ACAN: variants seen among roughly 807,000 people sequenced by gnomAD.
ACAN encodes the protein aggrecan, also known as aggrecan core protein.
In ACAN, 47 loss-of-function variants were observed where a neutral mutation model predicts 169.1. The ratio of observed to expected loss-of-function variants is 0.28; its 90% CI spans 0.22 to 0.35. ACAN has a LOEUF of 0.35. Among genes scored for constraint, ACAN ranks in the 10% least tolerant of loss-of-function variants. ACAN has a pLI of 1.00. For missense variants in ACAN, 2,716 were observed against 2,759.9 expected (o/e 0.98, Z 0.36); for synonymous variants, 1,115 against 1,112.2 (o/e 1.00, Z -0.05).
rs143156437 is a variant in ACAN, at chr15:88,859,036, G to A, written c.6451G>A (p.Gly2151Ser). 75 of 1,613,948 alleles carry A rather than the reference G, an allele frequency of 4.6e-5. 2 individuals are homozygous for A. The Middle Eastern group carries it at 6.6e-4, about 14-fold the overall frequency. The change falls in exon 12 of 19, where the codon GGC becomes AGC. Residue 2151 changes from glycine to serine, a missense_variant. Around this residue, in one of 3 missense-constraint regions of ACAN, gnomAD observed 1,389 missense variants for 1,363.7 expected, o/e 1.02. Coordinates refer to ENST00000560601, the MANE Select transcript of ACAN (RefSeq NM_001369268.1). Reference sequence around the variant, plus strand: ...GAGATCCTCTGGCCTAGGAGTGAGCGGCAGCACTTTGACATTTCAAGAAGG... The same window carrying A: ...GAGATCCTCTGGCCTAGGAGTGAGCAGCAGCACTTTGACATTTCAAGAAGG... ...LERSSGLGVS[G>S]STLTFQEGEA...
intron 13 of ACAN, among the ~76,000 whole-genome samples, chr15:88,863,601 C>G (rs1413538162): frequency 6.6e-6 from 1 of 152,220 alleles, no homozygotes; most frequent in African/African-American, 2.4e-5. Flanking sequence ...CTTCTCTTAT[C>G]TCCTCTGTTA....
rs1445419747 is a variant in ACAN, at chr15:88,857,207, G to C, written c.4622G>C (p.Gly1541Ala). The C allele has an allele frequency of 6.2e-7, 1 of 1,612,632 alleles. No individual in the cohort carries two copies. Among genetic ancestry groups the C allele is most frequent in the South Asian group, 1.1e-5 (1 of 91,000 alleles). The change falls in exon 12 of 19, where the codon GGA (glycine) becomes GCA (alanine). Residue 1541 changes from glycine (G) to alanine (A), a missense_variant. Physicochemically the swap from Gly to Ala is moderately conservative, Grantham distance 60. Transcript: ENST00000560601. ...GEEVLEISAS[G>A]FGDLSGLPSG... Reference sequence around the variant, plus strand: ...GAAGTTCTAGAGATTTCTGCCTCTGGATTTGGGGACCTCAGTGGACTTCCT... The same window carrying C: ...GAAGTTCTAGAGATTTCTGCCTCTGCATTTGGGGACCTCAGTGGACTTCCT...
intron 1 of ACAN, among the ~76,000 whole-genome samples, chr15:88,822,655 A>G (rs908192871): frequency 2.0e-5 from 3 of 152,020 alleles, no homozygotes; most frequent in Non-Finnish European, 2.9e-5. Context: ...GCTAGTCTCG[A>G]ACTCCTGACC....
chr15:88,806,322 A>T (rs1895681496), intron 1 of ACAN, among the ~76,000 whole-genome samples: 1 of 151,306 alleles, frequency 6.6e-6, no homozygotes, highest in Admixed American at 6.6e-5. Flanking sequence ...TCTCTTGATA[A>T]GAGACTGTGT....
chr15:88,815,284 C>T (rs547388052), intron 1 of ACAN, among the ~76,000 whole-genome samples: 9 of 152,124 alleles, frequency 5.9e-5, no homozygotes, highest in East Asian at 3.9e-4. Flanking sequence ...GAAGACCAGG[C>T]GCAGTGGCTC....
intron 1 of ACAN, among the ~76,000 whole-genome samples, chr15:88,828,265 A>G (rs536419383): frequency 6.6e-6 from 1 of 152,226 alleles, no homozygotes; most frequent in Non-Finnish European, 1.5e-5. Flanking sequence ...GGACAGGGCC[A>G]GACCCTAGCC....
At position 88,874,452 on chromosome 15, in the gene ACAN, C is replaced by A; in HGVS notation, c.7678C>A (p.Arg2560=). 1 of 1,606,520 alleles carries A rather than the reference C, an allele frequency of 6.2e-7. No individual in the cohort carries two copies. Among genetic ancestry groups the A allele is most frequent in the Non-Finnish European group, 8.5e-7 (1 of 1,176,970 alleles). Residue 2560 remains arginine, a synonymous_variant, in exon 19 of 19, where the codon CGG becomes AGG. Transcript: ENST00000560601. This position sits in a 1 kb window ranked among gnomAD's most constrained non-coding sequence, Gnocchi z 7.3. ...ACAGAAGCGGAGCTCACGGCACCCT[C>A]GGAGGAGCCGCCCCAGCACAGCCCA... ...RLQKRSSRHP[R]RSRPSTAH
At chr15:88,818,249 G>A (rs1302233468) in intron 1 of ACAN, among the ~76,000 whole-genome samples, 4 of 152,222 alleles carry the variant, frequency 2.6e-5, no homozygotes, top group South Asian at 2.1e-4. Flanking sequence ...AATGCAAAGA[G>A]CCCTAGTTCT....
chr15:88,826,973 C>A (rs1383892793), intron 1 of ACAN, among the ~76,000 whole-genome samples: 1 of 152,160 alleles, frequency 6.6e-6, no homozygotes, highest in Non-Finnish European at 1.5e-5. Context: ...ACTTTGGGCA[C>A]GTTGTCTAAC....
At position 88,838,833 on chromosome 15, in the gene ACAN, GAGA is replaced by G. The variant is rs1896574354; in HGVS notation, c.244_246del (p.Lys82del). On this transcript the variant is annotated inframe_deletion, in exon 3 of 19. Coordinates refer to ENST00000560601, the MANE Select transcript of ACAN (RefSeq NM_001369268.1). This position sits in a 1 kb window ranked among gnomAD's most constrained non-coding sequence, Gnocchi z 5.1. Reference sequence around the variant, plus strand: ...AATCAAGTGGAGCCGTGTGTCCAAGGAGAAGGAGGTAGTGCTGCTGGTGGCCAC... The same window carrying G: ...AATCAAGTGGAGCCGTGTGTCCAAGGAGGAGGTAGTGCTGCTGGTGGCCAC... 5 of 1,613,906 alleles carry G rather than the reference GAGA, an allele frequency of 3.1e-6. No homozygotes were observed. The highest frequency in any genetic ancestry group is 3.4e-6 in the Non-Finnish European group (4 of 1,179,912).
chr15:88,806,352 ATTT>A (rs34058187), intron 1 of ACAN, among the ~76,000 whole-genome samples: 84 of 147,040 alleles, frequency 5.7e-4, no homozygotes, highest in Non-Finnish European at 5.1e-4. Context: ...TTTGGTGTGA[ATTT>A]TTTTTTTTTT....
chr15:88,830,861 A>G (rs904755931), intron 1 of ACAN, among the ~76,000 whole-genome samples: 3 of 152,192 alleles, frequency 2.0e-5, no homozygotes, highest in African/African-American at 4.8e-5. Flanking sequence ...TAATTGCACT[A>G]TGACGCTACA....
chr15:88,849,342 G>A lies in ACAN; in HGVS notation c.1733-96G>A. 7.9e-7 allele frequency: 1 copy of A among 1,270,930 alleles called. No homozygotes were observed. The highest frequency in any genetic ancestry group is 1.1e-6 in the Non-Finnish European group (1 of 947,404). The allele number at this position is 1,270,930 out of a possible 1,614,324, so 78.7% of individuals were successfully genotyped here. ...GGAGCTGGGCTGGGTCTTAGCCCTG[G>A]TGAGGAGGGTTAGAGGAACTCTGTC... On this transcript the variant is annotated intron_variant, in intron 9 of 18. Transcript: ENST00000560601. The surrounding 1 kb of genome is among the most constrained non-coding windows in gnomAD (Gnocchi z 5.1).
chr15:88,849,975 C>A lies in ACAN; in HGVS notation c.2026+244C>A. On this transcript the variant is annotated intron_variant, in intron 10 of 18. Coordinates refer to ENST00000560601, the MANE Select transcript of ACAN (RefSeq NM_001369268.1). The surrounding 1 kb of genome is among the most constrained non-coding windows in gnomAD (Gnocchi z 5.1). Reference sequence around the variant, plus strand: ...GAACTTGAGCTGGTATTTATGTCTACTAGAAATGAAGCAGACCTGAATTTG... The same window carrying A: ...GAACTTGAGCTGGTATTTATGTCTAATAGAAATGAAGCAGACCTGAATTTG... The A allele has an allele frequency of 1.6e-6, 1 of 635,514 alleles. No homozygotes were observed. Among genetic ancestry groups the A allele is most frequent in the South Asian group, 1.9e-5 (1 of 53,954 alleles). The allele number at this position is 635,514 out of a possible 1,614,324, so 39.4% of individuals were successfully genotyped here. A position where few individuals can be genotyped will look rare whatever the true frequency, so the allele number is the denominator to read the frequency against.
rs115253071 is a variant in ACAN, at chr15:88,833,862, G to A, written c.-7-2338G>A. 3.7e-3 allele frequency among the ~76,000 whole-genome samples: 570 copies of A among 152,078 alleles called. 4 individuals carry two copies. The highest frequency in any genetic ancestry group is 0.013 in the African/African-American group (545 of 41,468). On this transcript the variant is annotated intron_variant, in intron 1 of 18. Transcript: ENST00000560601. ...ATGTCCAGCTTGTTCAGAGAGTGAGGGAAGAAACACAGCTCCGAAAACATA... is the reference window on the plus strand; with the variant it reads ...ATGTCCAGCTTGTTCAGAGAGTGAGAGAAGAAACACAGCTCCGAAAACATA...
chr15:88,871,295 G>T lies in ACAN; in HGVS notation c.7061-87G>T. ...GCACAGCATGGAAGGTGGGGTGAAC[G>T]CAGGAACCTATGCCATAAGACTGGC... On this transcript the variant is annotated intron_variant, in intron 14 of 18. Transcript: ENST00000560601. The surrounding 1 kb of genome is among the most constrained non-coding windows in gnomAD (Gnocchi z 7.8). 1 of 1,567,580 alleles carries T rather than the reference G, an allele frequency of 6.4e-7. No homozygotes were observed.
intron 4 of ACAN, 144 bp downstream of exon 4, chr15:88,840,330 CCTT>C: frequency 1.9e-6 from 2 of 1,051,434 alleles, no homozygotes; most frequent in Non-Finnish European, 2.6e-6. Flanking sequence ...CGTGGTCACA[CCTT>C]GGCCAAACAG....
Position 88,845,277 on chromosome 15 carries a change from C to G in ACAN, c.1052-228C>G, listed in dbSNP as rs76180463. ...AGCTCATTGGTCAATATCTTGCCCT[C>G]TGATAGCTCTTGCACTCTTGCAATC... On this transcript the variant is annotated intron_variant, in intron 6 of 18. Coordinates refer to ENST00000560601, the MANE Select transcript of ACAN (RefSeq NM_001369268.1). 0.031 allele frequency among the ~76,000 whole-genome samples: 4,769 copies of G among 152,314 alleles called. 243 individuals carry two copies. Among genetic ancestry groups the G allele is most frequent in the African/African-American group, 0.11 (4,498 of 41,558 alleles).
intron 1 of ACAN, among the ~76,000 whole-genome samples, chr15:88,833,261 T>G (rs987306727): frequency 6.6e-6 from 1 of 152,138 alleles, no homozygotes; most frequent in African/African-American, 2.4e-5. Context: ...GCACCTCACT[T>G]TCCCCTACCA....
Sources: gnomAD v4.1 joint callset for allele counts (sites outside exome capture counted in the v4.1 genomes callset) on GRCh38, gnomAD v4.1.1 for gene constraint, gnomAD v4.1.1 regional missense constraint, Gnocchi (gnomAD v3.1) non-coding constraint, MANE v1.5 for transcripts, NCBI Gene and HGNC (gene_info 2026-07-23, HGNC 2026-07-21) for gene names.